The following LMNTD1 variants were observed in gnomAD, a reference collection of about 807,000 sequenced individuals.
The protein encoded by LMNTD1 is lamin tail domain containing 1, also known as lamin tail domain-containing protein 1.
Under a neutral mutation model 50.9 loss-of-function variants are expected in LMNTD1, and 35 were observed. The observed-to-expected ratio is 0.69, with a 90% CI of 0.53 to 0.91. The LOEUF (loss-of-function observed/expected upper bound fraction) is 0.91, where lower values mean the gene tolerates loss of function less well. Among genes scored for constraint, LMNTD1 ranks in the 40% least tolerant of loss-of-function variants. The pLI is 0.00. For missense variants in LMNTD1, 470 were observed against 475.5 expected, an observed-to-expected ratio of 0.99 and a Z score of 0.11; for synonymous variants, 153 against 161.9, an observed-to-expected ratio of 0.94 and a Z score of 0.42.
intron 8 of LMNTD1, among the ~76,000 whole-genome samples, chr12:25,509,099 GT>G (rs1940051921): frequency 6.6e-6 from 1 of 152,076 alleles, no homozygotes; most frequent in Admixed American, 6.6e-5. Flanking sequence ...TATAATGAAA[GT>G]ATGACATATA....
At chr12:25,527,376 G>T (rs1941803204) in intron 4 of LMNTD1, among the ~76,000 whole-genome samples, 1 of 151,564 alleles carries the variant, frequency 6.6e-6, no homozygotes. Flanking sequence ...GTGATTAAAA[G>T]ATTTTTGAAA....
At chr12:25,638,061 A>G (rs1200047106) in intron 1 of LMNTD1, among the ~76,000 whole-genome samples, 1 of 152,156 alleles carries the variant, frequency 6.6e-6, no homozygotes, top group Admixed American at 6.5e-5. Context: ...AATTTAATAT[A>G]CCACATTAAT....
At chr12:25,544,152 A>G (rs998124826) in intron 4 of LMNTD1, among the ~76,000 whole-genome samples, 3 of 151,862 alleles carry the variant, frequency 2.0e-5, no homozygotes, top group Non-Finnish European at 4.4e-5. Flanking sequence ...TCATCTGTCC[A>G]TTACTGAGAA....
At chr12:25,588,747 G>T (rs922429362) in intron 1 of LMNTD1, among the ~76,000 whole-genome samples, 1 of 152,018 alleles carries the variant, frequency 6.6e-6, no homozygotes, top group Non-Finnish European at 1.5e-5. Context: ...ACTGTACATA[G>T]ATGTTTTATG....
chr12:25,582,384 C>G (rs1217477266), intron 1 of LMNTD1: 1 of 152,148 alleles, frequency 6.6e-6, no homozygotes, highest in African/African-American at 2.4e-5. Flanking sequence ...TTTTTCATAC[C>G]TGTTAATCGG....
intron 1 of LMNTD1, among the ~76,000 whole-genome samples, chr12:25,611,114 G>A (rs1303037519): frequency 6.6e-6 from 1 of 152,162 alleles, no homozygotes; most frequent in Non-Finnish European, 1.5e-5. Context: ...GAAGGACAAA[G>A]TTTTAACCTC....
At chr12:25,628,658 G>C (rs1351066904) in intron 1 of LMNTD1, among the ~76,000 whole-genome samples, 1 of 152,178 alleles carries the variant, frequency 6.6e-6, no homozygotes, top group Admixed American at 6.5e-5. Flanking sequence ...AGGGACATAA[G>C]AGTCAGAGTC....
intron 1 of LMNTD1, among the ~76,000 whole-genome samples, chr12:25,603,684 G>A (rs864893): frequency 0.019 from 2,925 of 152,084 alleles, 43 homozygotes; most frequent in African/African-American, 0.033. Flanking sequence ...TCACGAAGCT[G>A]ACATGCTAGT....
rs994966644 is a variant in LMNTD1, at chr12:25,630,494, T to A, written c.58+18000A>T. Reference sequence around the variant, plus strand: ...CCCAGGAGACACCCCAAATACTGAGTGTCCCAAATGCAAAAGTGGGAAAGA... The same window carrying A: ...CCCAGGAGACACCCCAAATACTGAGAGTCCCAAATGCAAAAGTGGGAAAGA... On this transcript the variant is annotated intron_variant, in intron 1 of 7. Coordinates refer to the LMNTD1 transcript ENST00000445693. The A allele has an allele frequency of 4.6e-5, 7 of 152,248 alleles. No homozygotes were observed. The East Asian group carries it at 9.7e-4, about 21-fold the overall frequency. The allele number at this position is 152,248 out of a possible 1,614,324, so 9.4% of individuals were successfully genotyped here. A position where few individuals can be genotyped will look rare whatever the true frequency, so the allele number is the denominator to read the frequency against.
chr12:25,480,680 T>G (rs1402656053), intron 9 of LMNTD1, among the ~76,000 whole-genome samples: 2 of 152,246 alleles, frequency 1.3e-5, no homozygotes, highest in African/African-American at 4.8e-5. Flanking sequence ...TTTTCTCTGC[T>G]AAGTTTATTT....
intron 1 of LMNTD1, among the ~76,000 whole-genome samples, chr12:25,639,501 A>T (rs1295789034): frequency 2.0e-5 from 3 of 152,216 alleles, no homozygotes; most frequent in South Asian, 4.1e-4. Flanking sequence ...TGGGTAAAGA[A>T]GTTGAATAGA....
intron 1 of LMNTD1, among the ~76,000 whole-genome samples, chr12:25,593,301 G>A (rs1388996643): frequency 1.3e-5 from 2 of 152,140 alleles, no homozygotes; most frequent in African/African-American, 2.4e-5. Flanking sequence ...CCCTTACAGA[G>A]CACATTTTCC....
At chr12:25,562,123 T>G (rs764288797) in intron 1 of LMNTD1, among the ~76,000 whole-genome samples, 31 of 152,224 alleles carry the variant, frequency 2.0e-4, no homozygotes, top group Non-Finnish European at 3.7e-4. Context: ...ATTGGAACAT[T>G]TAGCCCATTT....
At chr12:25,627,121 G>A (rs75393793) in intron 1 of LMNTD1, among the ~76,000 whole-genome samples, 3,594 of 152,180 alleles carry the variant, frequency 0.024, 47 homozygotes, top group East Asian at 0.042. Flanking sequence ...AATTGTACAC[G>A]CTAACAAGAG....
chr12:25,585,063 C>T (rs1054857034), intron 1 of LMNTD1, among the ~76,000 whole-genome samples: 5 of 152,154 alleles, frequency 3.3e-5, no homozygotes, highest in African/African-American at 1.2e-4. Context: ...AGGACAGCTG[C>T]CAGTTGGCAG....
chr12:25,582,559 C>T (rs111264738), intron 1 of LMNTD1: 12 of 152,034 alleles, frequency 7.9e-5, no homozygotes, highest in South Asian at 2.1e-4. Context: ...TCATGGGCTC[C>T]GAATAAATTT....
In LMNTD1 at chr12:25,546,379, G is replaced by A. The variant is rs748051448; in HGVS notation, c.486C>T (p.Thr162=). The A allele has an allele frequency of 1.3e-6, 2 of 1,575,624 alleles. No homozygotes were observed. Among genetic ancestry groups the A allele is most frequent in the Admixed American group, 1.8e-5 (1 of 56,822 alleles). ...AGTTCAAATAAAATATGTACCTGGA[G>A]GTAAATTGGCCAACTTCTTCAAGAA... is the stretch of plus-strand genomic sequence containing the variant. ...SMILEEVGQF[T]SSSLGDVEIA... Residue 162 remains threonine (T), a synonymous_variant, in exon 4 of 10, where the codon ACC becomes ACT. Transcript: ENST00000458174.
intron 1 of LMNTD1, among the ~76,000 whole-genome samples, chr12:25,596,518 G>C (rs1279497570): frequency 6.6e-6 from 1 of 151,850 alleles, no homozygotes; most frequent in Non-Finnish European, 1.5e-5. Flanking sequence ...TTCAACAAAA[G>C]CCAGCATTCC....
intron 6 of LMNTD1, among the ~76,000 whole-genome samples, chr12:25,522,532 C>T (rs764310770): frequency 2.6e-5 from 4 of 152,116 alleles, no homozygotes; most frequent in Non-Finnish European, 5.9e-5. Context: ...TATCATGTGA[C>T]CTTAAGCAAG....
Sources: gnomAD v4.1 joint callset for allele counts (sites outside exome capture counted in the v4.1 genomes callset) on GRCh38, gnomAD v4.1.1 for gene constraint, MANE v1.5 for transcripts, NCBI Gene and HGNC (gene_info 2026-07-23, HGNC 2026-07-21) for gene names.